TMPRSS11F: variants seen among roughly 807,000 people sequenced by gnomAD.
TMPRSS11F encodes transmembrane serine protease 11F.
In TMPRSS11F, 47 loss-of-function variants were observed where a neutral mutation model predicts 60.2. That is an observed-to-expected ratio of 0.78 (90% confidence interval 0.62 to 1.00). The LOEUF (loss-of-function observed/expected upper bound fraction) is 1.00. Among genes scored for constraint, TMPRSS11F ranks in the 50% least tolerant of loss-of-function variants. The probability of loss-of-function intolerance (pLI) is 0.00; values close to 1 mark genes in which losing one functional copy is unlikely to be tolerated. For synonymous variants in TMPRSS11F, 166 were observed against 167.3 expected, an observed-to-expected ratio of 0.99 and a Z score of 0.06; for missense variants, 519 against 522.9, an observed-to-expected ratio of 0.99 and a Z score of 0.07.
chr4:68,077,422 G>T (rs1723608346), intron 3 of TMPRSS11F: 1 of 152,148 alleles, frequency 6.6e-6, no homozygotes, highest in Admixed American at 6.5e-5. Flanking sequence ...ATAACTTAAG[G>T]CAAGTTGATG....
Position 68,072,316 on chromosome 4 carries a change from G to A in TMPRSS11F, c.514+7C>T, listed in dbSNP as rs1171377153. Reference sequence around the variant, plus strand: ...ACAAAAGTGGCAAATAAAAATAAAAGACTTACGTGTGAGTCTAAATGATGG... The same window carrying A: ...ACAAAAGTGGCAAATAAAAATAAAAAACTTACGTGTGAGTCTAAATGATGG... On this transcript the variant is annotated splice_region_variant and intron_variant, in intron 5 of 9. Coordinates refer to ENST00000356291, the MANE Select transcript of TMPRSS11F (RefSeq NM_207407.2). The A allele has an allele frequency of 4.8e-5, 72 of 1,507,390 alleles. No homozygotes were observed. Among genetic ancestry groups the A allele is most frequent in the Non-Finnish European group, 5.9e-5 (66 of 1,123,978 alleles). 93.4% of individuals were successfully genotyped at this position (1,507,390 alleles called of 1,614,324 possible).
intron 1 of TMPRSS11F, among the ~76,000 whole-genome samples, chr4:68,129,589 T>C (rs1013617997): frequency 1.3e-5 from 2 of 152,142 alleles, no homozygotes; most frequent in African/African-American, 4.8e-5. Flanking sequence ...TCTATTTCTT[T>C]TATTTAGAAA....
intron 2 of TMPRSS11F, among the ~76,000 whole-genome samples, chr4:68,092,250 C>T (rs1051627815): frequency 1.3e-5 from 2 of 151,742 alleles, no homozygotes; most frequent in Admixed American, 1.3e-4. Flanking sequence ...CTGGAATGAC[C>T]AGAAAATTAT....
chr4:68,066,982 C>G (rs1723344080), intron 7 of TMPRSS11F, among the ~76,000 whole-genome samples: 1 of 151,496 alleles, frequency 6.6e-6, no homozygotes, highest in Non-Finnish European at 1.5e-5. Context: ...ATATTGTCTT[C>G]AAAGTACCAC....
intron 8 of TMPRSS11F, chr4:68,062,526 T>C (rs1723206730): frequency 2.7e-6 from 2 of 746,700 alleles, no homozygotes; most frequent in African/African-American, 3.4e-5. Context: ...GGATGGTAAC[T>C]GTTTGCTTAT....
In TMPRSS11F at chr4:68,064,797, A is replaced by G. The variant is rs1345008709; in HGVS notation, c.903T>C (p.Thr301=). ...ENDIALVQLS[T]GVEFSNIVQR... is the part of the protein sequence containing the mutation. ...GGACTATATTTGAAAACTCAACTCC[A>G]GTAGAGAGCTGAACCAAAGCAATGT... Residue 301 remains threonine (T), a synonymous_variant, in exon 8 of 10, where the codon ACT becomes ACC. Transcript: ENST00000356291. The G allele has an allele frequency of 1.2e-6, 2 of 1,614,166 alleles. No individual in the cohort carries two copies. The highest frequency in any genetic ancestry group is 1.7e-6 in the Non-Finnish European group (2 of 1,180,008).
chr4:68,111,730 T>C (rs1724412988), intron 1 of TMPRSS11F, among the ~76,000 whole-genome samples: 1 of 152,168 alleles, frequency 6.6e-6, no homozygotes, highest in African/African-American at 2.4e-5. Flanking sequence ...ACATTTTACC[T>C]CAAATTTACC....
At chr4:68,059,716 T>C (rs1022711952) in intron 8 of TMPRSS11F, among the ~76,000 whole-genome samples, 11 of 152,188 alleles carry the variant, frequency 7.2e-5, no homozygotes, top group Non-Finnish European at 1.0e-4. Context: ...AAATACTACA[T>C]ACGCATGCAT....
chr4:68,073,503 C>A (rs1306464148), intron 4 of TMPRSS11F, among the ~76,000 whole-genome samples: 1 of 151,424 alleles, frequency 6.6e-6, no homozygotes, highest in Non-Finnish European at 1.5e-5. Context: ...GAAAGAAGTG[C>A]AAGAGAAAAA....
chr4:68,118,004 A>G (rs1017524582), intron 1 of TMPRSS11F, among the ~76,000 whole-genome samples: 18 of 152,168 alleles, frequency 1.2e-4, no homozygotes, highest in Admixed American at 2.6e-4. Context: ...TTGTGTCCCA[A>G]TGTGACACCT....
At chr4:68,085,731 C>T (rs558320209) in intron 3 of TMPRSS11F, among the ~76,000 whole-genome samples, 6 of 151,900 alleles carry the variant, frequency 3.9e-5, no homozygotes, top group African/African-American at 1.2e-4. Flanking sequence ...GAGAAAGATC[C>T]GTCATGCAAA....
intron 1 of TMPRSS11F, among the ~76,000 whole-genome samples, chr4:68,120,207 T>A (rs1212053256): frequency 6.6e-6 from 1 of 152,036 alleles, no homozygotes; most frequent in Non-Finnish European, 1.5e-5. Flanking sequence ...CTATTCCTGG[T>A]GAAATGTTTT....
At position 68,063,398 on chromosome 4, in the gene TMPRSS11F, G is replaced by C. The variant is rs538745143; in HGVS notation, c.1015+1287C>G. 3.9e-5 allele frequency: 15 copies of C among 379,822 alleles called. 1 individual carries two copies. Among genetic ancestry groups the C allele is most frequent in the African/African-American group, 2.8e-4 (13 of 47,180 alleles). 23.5% of individuals were successfully genotyped at this position (379,822 alleles called of 1,614,324 possible). ...CTGTTTTTGTTTTTGTTTGTTTTGAGATGGAGTCTTGCTCTGTCACCAGGC... is the reference window on the plus strand; with the variant it reads ...CTGTTTTTGTTTTTGTTTGTTTTGACATGGAGTCTTGCTCTGTCACCAGGC... On this transcript the variant is annotated intron_variant, in intron 8 of 9. Coordinates refer to ENST00000356291, the MANE Select transcript of TMPRSS11F (RefSeq NM_207407.2).
At chr4:68,126,574 C>G (rs2109893433) in intron 1 of TMPRSS11F, among the ~76,000 whole-genome samples, 1 of 152,286 alleles carries the variant, frequency 6.6e-6, no homozygotes, top group East Asian at 1.9e-4. Context: ...TTTTCATTTA[C>G]TCCTAACCTT....
At chr4:68,055,593 C>G (rs1481944311) in intron 9 of TMPRSS11F, among the ~76,000 whole-genome samples, 1 of 152,072 alleles carries the variant, frequency 6.6e-6, no homozygotes, top group Non-Finnish European at 1.5e-5. Context: ...AAGTCTCCCA[C>G]CAAAGTCAAG....
intron 9 of TMPRSS11F, among the ~76,000 whole-genome samples, chr4:68,055,754 T>C (rs937434709): frequency 3.9e-5 from 6 of 152,140 alleles, no homozygotes; most frequent in Non-Finnish European, 8.8e-5. Flanking sequence ...TAAAGCCAGA[T>C]AAGGACACTT....
intron 7 of TMPRSS11F, among the ~76,000 whole-genome samples, chr4:68,066,680 A>T (rs1173578092): frequency 6.6e-6 from 1 of 152,236 alleles, no homozygotes; most frequent in Non-Finnish European, 1.5e-5. Context: ...TCACGCCTAT[A>T]ATCCCAGCAC....
At chr4:68,081,922 G>T (rs1723702525) in intron 3 of TMPRSS11F, among the ~76,000 whole-genome samples, 1 of 152,050 alleles carries the variant, frequency 6.6e-6, no homozygotes. Context: ...TCCTCTCTTT[G>T]CCACCAATGA....
At chr4:68,063,188 C>G (rs564946695) in intron 8 of TMPRSS11F, 2 of 599,100 alleles carry the variant, frequency 3.3e-6, no homozygotes, top group Non-Finnish European at 6.6e-6. Flanking sequence ...CTGACAAAAA[C>G]CCAACTGCCT....
Sources: gnomAD v4.1 joint callset for allele counts (sites outside exome capture counted in the v4.1 genomes callset) on GRCh38, gnomAD v4.1.1 for gene constraint, MANE v1.5 for transcripts, NCBI Gene and HGNC (gene_info 2026-07-23, HGNC 2026-07-21) for gene names.